Variants in UBAP2 observed in about 807,000 individuals in gnomAD.
The protein encoded by UBAP2 is ubiquitin associated protein 2.
In UBAP2, 75 loss-of-function variants were observed where a neutral mutation model predicts 139.6. The observed-to-expected ratio is 0.54, with a 90% CI of 0.45 to 0.65. The LOEUF is 0.65. Ranked by LOEUF, UBAP2 falls within the 30% of genes least tolerant of loss-of-function variation. The probability of loss-of-function intolerance (pLI) is 0.00; values close to 1 mark genes in which losing one functional copy is unlikely to be tolerated. For synonymous variants in UBAP2, 526 were observed against 526.2 expected, an observed-to-expected ratio of 1.00 and a Z score of 0.01; for missense variants, 1,368 against 1,369.6, an observed-to-expected ratio of 1.00 and a Z score of 0.02.
intron 10 of UBAP2, among the ~76,000 whole-genome samples, chr9:33,956,380 G>A (rs528814907): frequency 1.3e-5 from 2 of 149,770 alleles, no homozygotes; most frequent in Non-Finnish European, 2.9e-5. Flanking sequence ...GTGCAGTGAC[G>A]TGATCTCGGC....
At chr9:33,954,513 G>C (rs1333078010) in intron 11 of UBAP2, among the ~76,000 whole-genome samples, 1 of 152,040 alleles carries the variant, frequency 6.6e-6, no homozygotes, top group African/African-American at 2.4e-5. Flanking sequence ...ACCTAACCTT[G>C]TAATGAATGC....
At chr9:33,990,913 A>G in intron 4 of UBAP2, among the ~76,000 whole-genome samples, 1 of 152,106 alleles carries the variant, frequency 6.6e-6, no homozygotes, top group Non-Finnish European at 1.5e-5. Context: ...CTGGTATTAC[A>G]GGCATAAGCC....
At chr9:33,966,047 C>T (rs1827425689) in intron 8 of UBAP2, among the ~76,000 whole-genome samples, 1 of 141,888 alleles carries the variant, frequency 7.0e-6, no homozygotes, top group South Asian at 2.2e-4. Context: ...GAGACTCCAT[C>T]TCAAAAAAAT....
In UBAP2 at chr9:33,956,017, C is replaced by G. The variant is rs371851905; in HGVS notation, c.866+62G>C. 1,381 of 1,349,114 alleles carry G rather than the reference C, an allele frequency of 1.0e-3. 6 individuals are homozygous for G. The highest frequency in any genetic ancestry group is 1.7e-3 in the Middle Eastern group (7 of 4,152). The allele number at this position is 1,349,114 out of a possible 1,614,324, so 83.6% of individuals were successfully genotyped here. A position where few individuals can be genotyped will look rare whatever the true frequency, so the allele number is the denominator to read the frequency against. ...AGACCCAAAAATGAAAATACTTTTC[C>G]TGAGGCAAAAGATTTCTGTAATGCT... On this transcript the variant is annotated intron_variant, in intron 11 of 28. Transcript: ENST00000379238.
At chr9:34,001,027 A>G (rs1184548495) in intron 2 of UBAP2, among the ~76,000 whole-genome samples, 3 of 152,206 alleles carry the variant, frequency 2.0e-5, no homozygotes, top group Non-Finnish European at 2.9e-5. Context: ...ATTTTCCTGA[A>G]TCATAACCAA....
chr9:34,019,688 TACACACACACACACACAC>T (rs56358132), intron 1 of UBAP2, among the ~76,000 whole-genome samples: 2 of 144,862 alleles, frequency 1.4e-5, no homozygotes, highest in South Asian at 2.3e-4. Context: ...TACATTTTAC[TACACACACACACACACAC>T]ACACACACAC....
chr9:33,981,522 ATT>A (rs573700457), intron 6 of UBAP2, among the ~76,000 whole-genome samples: 1 of 143,274 alleles, frequency 7.0e-6, no homozygotes, highest in Admixed American at 7.1e-5. Context: ...TGCCCGGCTA[ATT>A]TTTTTTTTTT....
At chr9:33,964,929 A>G (rs1179463047) in intron 8 of UBAP2, among the ~76,000 whole-genome samples, 1 of 152,122 alleles carries the variant, frequency 6.6e-6, no homozygotes, top group Non-Finnish European at 1.5e-5. Flanking sequence ...GGAATTTTTC[A>G]TTTCCTTTAA....
At chr9:33,960,974 G>T in intron 9 of UBAP2, 96 bp from the exon 10 acceptor site, 1 of 1,157,210 alleles carries the variant, frequency 8.6e-7, no homozygotes, top group Non-Finnish European at 1.3e-6. Flanking sequence ...GGGGAAAAAA[G>T]ATACATACGC....
intron 2 of UBAP2, among the ~76,000 whole-genome samples, chr9:34,012,121 T>C (rs1465624487): frequency 6.6e-6 from 1 of 152,242 alleles, no homozygotes; most frequent in Non-Finnish European, 1.5e-5. Context: ...TTTCAAATAT[T>C]CTTATAATCA....
chr9:34,032,164 A>G (rs777841150), intron 1 of UBAP2, among the ~76,000 whole-genome samples: 2 of 152,174 alleles, frequency 1.3e-5, no homozygotes, highest in Non-Finnish European at 2.9e-5. Flanking sequence ...TAAGTTGCCA[A>G]CTTAACATCC....
chr9:34,000,660 A>C (rs562868462), intron 2 of UBAP2, among the ~76,000 whole-genome samples: 1 of 152,344 alleles, frequency 6.6e-6, no homozygotes, highest in East Asian at 1.9e-4. Flanking sequence ...AAAAGCCATA[A>C]GGAACTAATA....
chr9:34,002,377 CTTTTT>C (rs33995709), intron 2 of UBAP2, among the ~76,000 whole-genome samples: 47 of 108,478 alleles, frequency 4.3e-4, no homozygotes, highest in African/African-American at 7.2e-4. Flanking sequence ...TGCATAGGTG[CTTTTT>C]TTTTTTTTTT....
At chr9:34,037,619 T>C (rs1184430180) in intron 1 of UBAP2, among the ~76,000 whole-genome samples, 1 of 152,208 alleles carries the variant, frequency 6.6e-6, no homozygotes, top group Non-Finnish European at 1.5e-5. Flanking sequence ...TTACTTAGCA[T>C]TGATGAAAAT....
chr9:33,935,116 G>A (rs1402310423), intron 17 of UBAP2, among the ~76,000 whole-genome samples: 1 of 143,284 alleles, frequency 7.0e-6, no homozygotes, highest in Admixed American at 7.3e-5. Context: ...AGCAATTAAC[G>A]GATTTACCTG....
At chr9:33,935,658 T>C in intron 17 of UBAP2, 181 bp downstream of exon 17, 1 of 672,214 alleles carries the variant, frequency 1.5e-6, no homozygotes, top group Non-Finnish European at 2.7e-6. Context: ...CTTCTTGCTG[T>C]GGTTAAGACA....
intron 1 of UBAP2, among the ~76,000 whole-genome samples, chr9:34,047,924 G>GT (rs1182899821): frequency 6.6e-6 from 1 of 152,192 alleles, no homozygotes; most frequent in Admixed American, 6.6e-5. Context: ...TGAATGTGAG[G>GT]TAAAAACAAT....
intron 2 of UBAP2, among the ~76,000 whole-genome samples, chr9:34,014,097 G>A (rs1307655527): frequency 6.6e-6 from 1 of 151,648 alleles, no homozygotes; most frequent in African/African-American, 2.4e-5. Flanking sequence ...TCAAGGGGGG[G>A]ACAGATCACT....
chr9:33,939,064 TCC>T (rs2307692), intron 16 of UBAP2, among the ~76,000 whole-genome samples: 60,363 of 151,684 alleles, frequency 0.4, 12,371 homozygotes, highest in South Asian at 0.48. Flanking sequence ...CATGGAAAGC[TCC>T]CCATTTTACT....
Sources: allele counts gnomAD v4.1 joint callset (sites outside exome capture counted in the v4.1 genomes callset), GRCh38; gene constraint gnomAD v4.1.1; transcripts MANE v1.5; gene names NCBI Gene and HGNC (gene_info 2026-07-23, HGNC 2026-07-21).